Variants in DVL1 observed in about 807,000 individuals in gnomAD.
The protein encoded by DVL1 is dishevelled segment polarity protein 1, also known as segment polarity protein dishevelled homolog DVL-1.
DVL1 carries 49 observed loss-of-function variants against 65.0 expected under a neutral mutation model. The ratio of observed to expected loss-of-function variants is 0.75; its 90% CI spans 0.60 to 0.96. The LOEUF is 0.96. Ranked by LOEUF, DVL1 falls within the 40% of genes least tolerant of loss-of-function variation. DVL1 has a pLI of 0.00. For synonymous variants in DVL1, 608 were observed against 433.9 expected (o/e 1.40, Z -4.99); for missense variants, 1,197 against 1,045.4 (o/e 1.15, Z -2.00).
In DVL1 at chr1:1,336,316, G is replaced by A. The variant is rs531643983; in HGVS notation, c.1914C>T (p.Ala638=). 3.0e-5 allele frequency: 47 copies of A among 1,571,974 alleles called. 1 individual carries two copies. Among genetic ancestry groups the A allele is most frequent in the South Asian group, 2.5e-4 (22 of 88,046 alleles). ...TGGGGTGGGGCGGGGGGAGCCCCGG[G>A]GCGGTAGCCGAGGCCTGACTGCGTG... is the stretch of plus-strand genomic sequence containing the variant. ...SSPRSQASAT[A]PGLPPPHPTT... is the part of the protein sequence containing the mutation. The change falls in exon 15 of 15, where the codon GCC becomes GCT. Residue 638 remains alanine, a synonymous_variant. Coordinates refer to ENST00000378888, the MANE Select transcript of DVL1 (RefSeq NM_001330311.2).
At chr1:1,339,682 C>A (rs755106743) in intron 9 of DVL1, 33 bp from the exon 10 acceptor site, 4 of 1,612,414 alleles carry the variant, frequency 2.5e-6, no homozygotes, top group Non-Finnish European at 3.4e-6. Flanking sequence ...GCAAGGCCCC[C>A]ATGGTCCCAC....
rs1375665400 is a variant in DVL1, at chr1:1,349,039, G to A, written c.27C>T (p.His9=). Residue 9 remains histidine (H), a synonymous_variant, in exon 1 of 15, where the codon CAC becomes CAT. Transcript: ENST00000378888. The surrounding 1 kb of genome is among the most constrained non-coding windows in gnomAD (Gnocchi z 4.1). Reference sequence around the variant, plus strand: ...GGTACGGCGTCTCCTCCTCGTCCATGTGGTAGATAATCTTGGTCTCCGCCA... The same window carrying A: ...GGTACGGCGTCTCCTCCTCGTCCATATGGTAGATAATCTTGGTCTCCGCCA... The part of the protein sequence containing the change: MAETKIIY[H]MDEEETPYLV... The A allele has an allele frequency of 6.4e-7, 1 of 1,551,968 alleles. No individual in the cohort carries two copies.
intron 11 of DVL1, among the ~76,000 whole-genome samples, chr1:1,339,059 A>G (rs1643691079): frequency 6.6e-6 from 1 of 152,156 alleles, no homozygotes; most frequent in Non-Finnish European, 1.5e-5. Flanking sequence ...TGCTCCCCGC[A>G]TAGGGGCCCT....
Position 1,339,759 on chromosome 1 carries a change from C to T in DVL1, c.963G>A (p.Leu321=), listed in dbSNP as rs1391043334. The part of the protein sequence containing the change: ...NMSNDDAVRV[L]REIVSQTGPI... Reference sequence around the variant, plus strand: ...ACCCCGTCTGGGAAACGATCTCCCGCAGCACCCGCACGGCATCGTCATTGC... The same window carrying T: ...ACCCCGTCTGGGAAACGATCTCCCGTAGCACCCGCACGGCATCGTCATTGC... Residue 321 remains leucine (L), a synonymous_variant, in exon 9 of 15, where the codon CTG becomes CTA. Coordinates refer to ENST00000378888, the MANE Select transcript of DVL1 (RefSeq NM_001330311.2). 1.9e-6 allele frequency: 3 copies of T among 1,613,174 alleles called. No individual in the cohort carries two copies. The highest frequency in any genetic ancestry group is 2.2e-5 in the East Asian group (1 of 44,872).
At chr1:1,347,554 G>C (rs767743381) in intron 1 of DVL1, among the ~76,000 whole-genome samples, 1 of 152,214 alleles carries the variant, frequency 6.6e-6, no homozygotes, top group African/African-American at 2.4e-5. Flanking sequence ...GCATTTCCTG[G>C]TGGCACACAT....
chr1:1,342,465 G>T lies in DVL1; in HGVS notation c.260C>A (p.Ala87Asp), dbSNP rs1410728722. 2 of 1,609,918 alleles carry T rather than the reference G, an allele frequency of 1.2e-6. No individual in the cohort carries two copies. Among genetic ancestry groups the T allele is most frequent in the Non-Finnish European group, 1.7e-6 (2 of 1,179,264 alleles). Reference sequence around the variant, plus strand: ...GCCCTGGGACCCCGCATCCGAGTGAGCACCCTCAGCCAGGACCAGCTGTGG... The same window carrying T: ...GCCCTGGGACCCCGCATCCGAGTGATCACCCTCAGCCAGGACCAGCTGTGG... ...VVSWLVLAEG[A>D]HSDAGSQGTD... Residue 87 changes from alanine (A) to aspartate (D), a missense_variant, in exon 3 of 15, where the codon GCT becomes GAT. Coordinates refer to ENST00000378888, the MANE Select transcript of DVL1 (RefSeq NM_001330311.2).
At chr1:1,342,325 C>A (rs1377376133) in intron 3 of DVL1, 38 bp downstream of exon 3, 3 of 1,536,036 alleles carry the variant, frequency 2.0e-6, no homozygotes, top group African/African-American at 1.4e-5. Context: ...CCATGACAGG[C>A]TTGGGGTAGC....
intron 1 of DVL1, among the ~76,000 whole-genome samples, chr1:1,344,725 G>A (rs951689829): frequency 5.3e-5 from 8 of 152,188 alleles, no homozygotes; most frequent in African/African-American, 1.7e-4. Context: ...GTGAGAGGCT[G>A]TCACACCTGA....
In DVL1 at chr1:1,338,179, G is replaced by C. The variant is rs770915923; in HGVS notation, c.1512C>G (p.Leu504=). ...YYVFGDLCSN[L]ATLNLNSGSS... is the part of the protein sequence containing the mutation. Reference sequence around the variant, plus strand: ...AGCCACTGTTGAGGTTCAGGGTGGCGAGATCTGGCGGGGGAGGGTAGGTGA... The same window carrying C: ...AGCCACTGTTGAGGTTCAGGGTGGCCAGATCTGGCGGGGGAGGGTAGGTGA... Residue 504 remains leucine, a synonymous_variant, in exon 14 of 15, where the codon CTC becomes CTG. Coordinates refer to ENST00000378888, the MANE Select transcript of DVL1 (RefSeq NM_001330311.2). 2.5e-6 allele frequency: 4 copies of C among 1,603,642 alleles called. No individual in the cohort carries two copies.
chr1:1,340,576 C>G, intron 5 of DVL1, 73 bp from the exon 6 acceptor site: 1 of 1,480,844 alleles, frequency 6.8e-7, no homozygotes, highest in South Asian at 1.2e-5. Context: ...TCCCCCAATA[C>G]TGAGTGGGAA....
chr1:1,339,562 G>T lies in DVL1; in HGVS notation c.1054+20C>A, dbSNP rs748077044. 8 of 1,596,944 alleles carry T rather than the reference G, an allele frequency of 5.0e-6. No individual in the cohort carries two copies. In the East Asian group the frequency reaches 1.1e-4, roughly 23 times the overall value. On this transcript the variant is annotated intron_variant, in intron 10 of 14. Coordinates refer to ENST00000378888, the MANE Select transcript of DVL1 (RefSeq NM_001330311.2). The stretch of plus-strand genomic sequence containing the variant: ...GCGCCCCCTCCCCATCCCGCCCCGT[G>T]TGCCCCGAGGGCCACTCACCCCGTG...
At chr1:1,342,226 T>TCCCCTCGCCTGTGGGACCCCAGCCC in intron 3 of DVL1, 70 bp from the exon 4 acceptor site, 9 of 1,502,540 alleles carry the variant, frequency 6.0e-6, no homozygotes, top group Non-Finnish European at 8.0e-6. Flanking sequence ...CAGCCCAGCC[T>TCCCCTCGCCTGTGGGACCCCAGCCC]CCCCTCGCCT....
In DVL1 at chr1:1,339,783, G is replaced by A. The variant is rs747350307; in HGVS notation, c.939C>T (p.Ser313=). Residue 313 remains serine (S), a synonymous_variant, in exon 9 of 15, where the codon AGC becomes AGT. Transcript: ENST00000378888. ...GCAGCACCCGCACGGCATCGTCATT[G>A]CTCATGTTCTCAAAGTTCACGTCAT... is the stretch of plus-strand genomic sequence containing the variant. ...QVNDVNFENM[S]NDDAVRVLRE... The A allele has an allele frequency of 1.7e-5, 27 of 1,612,254 alleles. No individual in the cohort carries two copies. The highest frequency in any genetic ancestry group is 1.9e-5 in the Non-Finnish European group (23 of 1,179,916).
In DVL1 at chr1:1,338,637, C is replaced by T. The variant is rs774744891; in HGVS notation, c.1224G>A (p.Pro408=). 11 of 1,610,466 alleles carry T rather than the reference C, an allele frequency of 6.8e-6. No individual in the cohort carries two copies. The highest frequency in any genetic ancestry group is 1.1e-5 in the South Asian group (1 of 91,082). The change falls in exon 12 of 15, where the codon CCG becomes CCA. Residue 408 remains proline (P), a synonymous_variant. Transcript: ENST00000378888. ...VPGAPQLEEA[P]LTVKSDMSAV... is the part of the protein sequence containing the mutation. The stretch of plus-strand genomic sequence containing the variant: ...CGCTCATGTCACTCTTCACCGTCAG[C>T]GGCGCCTCTTCCAGCTCTGCAAAGC...
rs1643535732 is a variant in DVL1, at chr1:1,335,374, GTATC to G, written c.*764_*767del. ...ATCTAAACGCTGGGACTTTGATACA[GTATC>G]TACAGCACAGACACGTGGGGGCCAG... On this transcript the variant is annotated 3_prime_UTR_variant, in exon 15 of 15. Coordinates refer to ENST00000378888, the MANE Select transcript of DVL1 (RefSeq NM_001330311.2). 6.6e-6 allele frequency: 1 copy of G among 152,354 alleles called. No homozygotes were observed. Among genetic ancestry groups the G allele is most frequent in the African/African-American group, 2.4e-5 (1 of 41,462 alleles). The allele number at this position is 152,354 out of a possible 1,614,324, so 9.4% of individuals were successfully genotyped here. A position where few individuals can be genotyped will look rare whatever the true frequency, so the allele number is the denominator to read the frequency against.
At chr1:1,346,584 C>A (rs970682865) in intron 1 of DVL1, among the ~76,000 whole-genome samples, 2 of 152,214 alleles carry the variant, frequency 1.3e-5, no homozygotes, top group African/African-American at 4.8e-5. Context: ...GGAGGACAGG[C>A]GGGGGACCTT....
At chr1:1,341,446 A>G (rs1013874534) in intron 5 of DVL1, among the ~76,000 whole-genome samples, 5 of 151,718 alleles carry the variant, frequency 3.3e-5, no homozygotes, top group Admixed American at 1.3e-4. Context: ...GCACGCGGGC[A>G]CACACACAGG....
At chr1:1,336,651 G>A (rs1569672327) in intron 14 of DVL1, 136 bp from the exon 15 acceptor site, 27 of 1,197,106 alleles carry the variant, frequency 2.3e-5, no homozygotes, top group Admixed American at 7.0e-5. Flanking sequence ...CCATGCAGGC[G>A]CGAGGACAGG....
At chr1:1,347,454 G>C (rs1643933096) in intron 1 of DVL1, among the ~76,000 whole-genome samples, 1 of 152,182 alleles carries the variant, frequency 6.6e-6, no homozygotes, top group South Asian at 2.1e-4. Flanking sequence ...CCCCCGGTGG[G>C]TGTCAGGAGC....
Sources: allele counts gnomAD v4.1 joint callset (sites outside exome capture counted in the v4.1 genomes callset), GRCh38; gene constraint gnomAD v4.1.1; non-coding constraint Gnocchi (gnomAD v3.1); transcripts MANE v1.5; gene names NCBI Gene and HGNC (gene_info 2026-07-23, HGNC 2026-07-21).